HERC3: variants seen among roughly 807,000 people sequenced by gnomAD.
HERC3 encodes the protein probable E3 ubiquitin-protein ligase HERC3.
Under a neutral mutation model 129.9 loss-of-function variants are expected in HERC3, and 58 were observed. The observed-to-expected ratio is 0.45, with a 90% confidence interval of 0.36 to 0.56. HERC3 has a LOEUF of 0.56. HERC3 is among the 20% of genes least tolerant of loss of function. The pLI, the probability that HERC3 is intolerant of heterozygous loss-of-function variation, is 0.00. For missense variants in HERC3, 835 were observed against 1,244.2 expected (o/e 0.67, Z 4.95); for synonymous variants, 430 against 451.0 (o/e 0.95, Z 0.59).
chr4:88,612,289 CTGTGTGTG>C (rs3220740), intron 3 of HERC3, among the ~76,000 whole-genome samples: 23 of 141,702 alleles, frequency 1.6e-4, no homozygotes, highest in African/African-American at 3.9e-4. Context: ...ATGTGACCAA[CTGTGTGTG>C]TGTGTGTGTG....
chr4:88,657,484 A>G (rs1259779882), intron 9 of HERC3: 1 of 152,226 alleles, frequency 6.6e-6, no homozygotes, highest in Non-Finnish European at 1.5e-5. Context: ...TCTCCAAGAC[A>G]TTGTACTCAT....
the HERC3 span, among the ~76,000 whole-genome samples, chr4:88,532,024 TC>T: frequency 6.6e-6 from 1 of 152,190 alleles, no homozygotes; most frequent in African/African-American, 2.4e-5. Flanking sequence ...TATATTAAAT[TC>T]CTATATACTG....
the HERC3 span, among the ~76,000 whole-genome samples, chr4:88,577,548 T>C: frequency 6.6e-6 from 1 of 150,932 alleles, no homozygotes; most frequent in South Asian, 2.1e-4. Context: ...GACTAAACTG[T>C]TTTTTGCATT....
At chr4:88,570,445 A>C in the HERC3 span, among the ~76,000 whole-genome samples, 2 of 152,236 alleles carry the variant, frequency 1.3e-5, no homozygotes, top group Admixed American at 1.3e-4. Flanking sequence ...TTACATTAAA[A>C]AATCAATTAA....
the HERC3 span, among the ~76,000 whole-genome samples, chr4:88,552,414 G>A: frequency 3.6e-4 from 55 of 152,224 alleles, no homozygotes; most frequent in Non-Finnish European, 5.3e-4. Flanking sequence ...CACCATGCGT[G>A]GCTAATTTTT....
At position 88,645,245 on chromosome 4, in the gene HERC3, T is replaced by G. The variant is rs552665238; in HGVS notation, c.227-4595T>G. 2.2e-4 allele frequency among the ~76,000 whole-genome samples: 34 copies of G among 151,580 alleles called. No homozygotes were observed. In the South Asian group the frequency reaches 7.1e-3, roughly 32 times the overall value. ...TTCGGTGGGAACAGGAAATCAAGAG[T>G]TAGGGTGAATGTGAGGACTTAGAAT... is the stretch of plus-strand genomic sequence containing the variant. On this transcript the variant is annotated intron_variant, in intron 3 of 25. Transcript: ENST00000402738.
At chr4:88,540,362 A>G in the HERC3 span, among the ~76,000 whole-genome samples, 1,245 of 152,348 alleles carry the variant, frequency 8.2e-3, 9 homozygotes, top group Admixed American at 0.018. Context: ...TGAAGATCAA[A>G]TTAATGAAAT....
At chr4:88,606,514 G>A (rs3844295) in intron 3 of HERC3, among the ~76,000 whole-genome samples, 57,546 of 151,910 alleles carry the variant, frequency 0.38, 12,684 homozygotes, top group African/African-American at 0.6. Flanking sequence ...GATTTTGCCC[G>A]TTGTATTAGT....
chr4:88,696,214 C>G (rs1734581103), intron 23 of HERC3: 1 of 152,618 alleles, frequency 6.6e-6, no homozygotes, highest in Non-Finnish European at 1.5e-5. Context: ...GGGGCACACA[C>G]TTGGATTGGT....
chr4:88,704,479 A>C, intron 24 of HERC3, 29 bp from the exon 25 acceptor site: 1 of 1,457,954 alleles, frequency 6.9e-7, no homozygotes, highest in Non-Finnish European at 9.6e-7. Flanking sequence ...TCCAAGATAC[A>C]TTTTTTTCTT....
chr4:88,681,155 A>G lies in HERC3; in HGVS notation c.2341-4A>G, dbSNP rs1303001978. On this transcript the variant is annotated splice_region_variant and splice_polypyrimidine_tract_variant and intron_variant, in intron 20 of 25. Coordinates refer to ENST00000402738, the MANE Select transcript of HERC3 (RefSeq NM_014606.3). ...TTTAACACATTTGTATGTGTCCTAAAAAGTGTTTTGTAGAGCACAACTGGT... is the reference window on the plus strand; with the variant it reads ...TTTAACACATTTGTATGTGTCCTAAGAAGTGTTTTGTAGAGCACAACTGGT... 6.2e-7 allele frequency: 1 copy of G among 1,603,724 alleles called. No homozygotes were observed. Among genetic ancestry groups the G allele is most frequent in the Admixed American group, 1.7e-5 (1 of 57,500 alleles).
At position 88,706,786 on chromosome 4, in the gene HERC3, C is replaced by T. The variant is rs780883731; in HGVS notation, c.2979C>T (p.Tyr993=). ...CAGGCAGCGATCGGATTCCCATCTA[C>T]GGCATGGCCAGTCTGCAGATTGTCA... ...FLTGSDRIPI[Y]GMASLQIVIQ... is the part of the protein sequence containing the mutation. The change falls in exon 26 of 26, where the codon TAC becomes TAT. Residue 993 remains tyrosine, a synonymous_variant. Transcript: ENST00000402738. 7.4e-6 allele frequency: 12 copies of T among 1,614,060 alleles called. No individual in the cohort carries two copies. In the East Asian group the frequency reaches 8.9e-5, roughly 12 times the overall value.
At chr4:88,558,089 A>G in the HERC3 span, among the ~76,000 whole-genome samples, 6,152 of 148,180 alleles carry the variant, frequency 0.042, 281 homozygotes, top group East Asian at 0.25. Flanking sequence ...AAAAAAAAAA[A>G]AAAAAAGAAA....
intron 8 of HERC3, 47 bp from the exon 9 acceptor site, chr4:88,655,828 C>A: frequency 6.4e-7 from 1 of 1,567,542 alleles, no homozygotes; most frequent in Non-Finnish European, 8.7e-7. Context: ...GAGTGTACAT[C>A]CACATTAGTA....
At chr4:88,685,648 A>G (rs561385170) in intron 21 of HERC3, among the ~76,000 whole-genome samples, 122 of 151,276 alleles carry the variant, frequency 8.1e-4, no homozygotes, top group African/African-American at 2.8e-3. Context: ...TACCTAATGC[A>G]TGTGGGGCTT....
intron 16 of HERC3, among the ~76,000 whole-genome samples, chr4:88,672,305 A>G (rs1347935062): frequency 2.0e-5 from 3 of 152,166 alleles, no homozygotes; most frequent in Non-Finnish European, 4.4e-5. Flanking sequence ...TTAACATTTG[A>G]TAAATATCTT....
At chr4:88,591,733 A>G (rs1721720437), upstream of HERC3, among the ~76,000 whole-genome samples, 1 of 152,152 alleles carries the variant, frequency 6.6e-6, no homozygotes, top group South Asian at 2.1e-4. Flanking sequence ...GCGCTAGGGA[A>G]AAGTGGAAGA....
At chr4:88,692,820 C>A in intron 23 of HERC3, 1 of 853,682 alleles carries the variant, frequency 1.2e-6, no homozygotes. Context: ...TTGAGTTAGA[C>A]TGCGCTCCAT....
chr4:88,611,274 G>A (rs1463408850), intron 3 of HERC3, among the ~76,000 whole-genome samples: 3 of 152,156 alleles, frequency 2.0e-5, no homozygotes, highest in Admixed American at 6.5e-5. Flanking sequence ...TATGATTTGC[G>A]TTTGTTTTTA....
Sources: gnomAD v4.1 joint callset for allele counts (sites outside exome capture counted in the v4.1 genomes callset) on GRCh38, gnomAD v4.1.1 for gene constraint, MANE v1.5 for transcripts, NCBI Gene and HGNC (gene_info 2026-07-23, HGNC 2026-07-21) for gene names.